Variants in SPAG16 observed in about 807,000 individuals in gnomAD.
The protein encoded by SPAG16 is sperm associated antigen 16.
A neutral mutation model predicts 80.4 loss-of-function variants in SPAG16; 86 were observed. The observed-to-expected ratio is 1.07, with a 90% CI of 0.90 to 1.28. SPAG16 has a LOEUF of 1.28. SPAG16 is among the 50% of genes most tolerant of loss of function. The pLI is 0.00. For missense variants in SPAG16, 870 were observed against 765.3 expected, an observed-to-expected ratio of 1.14 and a Z score of -1.61; for synonymous variants, 294 against 265.9, an observed-to-expected ratio of 1.11 and a Z score of -1.03.
At chr2:214,124,305 C>A (rs1056675743) in intron 14 of SPAG16, among the ~76,000 whole-genome samples, 7 of 150,002 alleles carry the variant, frequency 4.7e-5, no homozygotes, top group African/African-American at 1.5e-4. Flanking sequence ...GATATTTGAC[C>A]ACTCAGACAA....
intron 15 of SPAG16, among the ~76,000 whole-genome samples, chr2:214,216,744 C>G (rs1576517982): frequency 6.6e-6 from 1 of 152,316 alleles, no homozygotes; most frequent in East Asian, 1.9e-4. Flanking sequence ...ATTGAATTCT[C>G]TGTTGATTTC....
At chr2:214,038,390 A>G (rs899937121) in intron 13 of SPAG16, among the ~76,000 whole-genome samples, 1 of 152,064 alleles carries the variant, frequency 6.6e-6, no homozygotes, top group Non-Finnish European at 1.5e-5. Flanking sequence ...CTACTTTGTC[A>G]GAACATATAA....
chr2:214,077,453 A>ATTCTCAGT (rs1180151536), intron 13 of SPAG16, among the ~76,000 whole-genome samples: 1 of 152,232 alleles, frequency 6.6e-6, no homozygotes, highest in Non-Finnish European at 1.5e-5. Context: ...TAAAGGCCTT[A>ATTCTCAGT]TTCTCAGTTT....
intron 10 of SPAG16, among the ~76,000 whole-genome samples, chr2:213,850,695 T>A (rs571056444): frequency 6.6e-6 from 1 of 152,286 alleles, no homozygotes; most frequent in African/African-American, 2.4e-5. Flanking sequence ...TCTGTTTTTT[T>A]TTTTATGATT....
chr2:213,373,591 T>C (rs2066748758), intron 8 of SPAG16, among the ~76,000 whole-genome samples: 1 of 152,216 alleles, frequency 6.6e-6, no homozygotes, highest in Non-Finnish European at 1.5e-5. Flanking sequence ...TTTATTTCTT[T>C]GATGAAGTGG....
At chr2:214,386,825 T>C (rs1700781422) in intron 15 of SPAG16, among the ~76,000 whole-genome samples, 1 of 151,752 alleles carries the variant, frequency 6.6e-6, no homozygotes, top group East Asian at 1.9e-4. Flanking sequence ...GATTGTGCCA[T>C]TGCATTCCAG....
chr2:213,471,996 C>T (rs1213561670), intron 9 of SPAG16, among the ~76,000 whole-genome samples: 1 of 152,190 alleles, frequency 6.6e-6, no homozygotes, highest in African/African-American at 2.4e-5. Flanking sequence ...TTTCCATCTT[C>T]TGGCATGCAA....
rs3076792 is a variant in SPAG16 at position 213,932,949 on chromosome 2, AACACACACACACACACAC to A, written c.1400+2829_1400+2846del. Among the ~76,000 whole-genome samples the A allele has an allele frequency of 7.2e-4, 103 of 144,040 alleles. No individual in the cohort carries two copies. In the East Asian group the frequency reaches 0.016, roughly 23 times the overall value. The allele number at this position is 144,040 out of a possible 152,430, so 94.5% of individuals were successfully genotyped here. A position where few individuals can be genotyped will look rare whatever the true frequency, so the allele number is the denominator to read the frequency against. ...GTATTTCACTTAATGGTTGTTTGAA[AACACACACACACACACAC>A]ACACACACACACACACACACACACC... On this transcript the variant is annotated intron_variant, in intron 12 of 15. Transcript: ENST00000331683.
chr2:213,469,487 A>G (rs888622301), intron 9 of SPAG16, among the ~76,000 whole-genome samples: 1 of 150,692 alleles, frequency 6.6e-6, no homozygotes, highest in African/African-American at 2.4e-5. Context: ...GCAGCTGGTC[A>G]TGTGGTCATA....
At chr2:214,010,347 T>A (rs947301328) in intron 12 of SPAG16, among the ~76,000 whole-genome samples, 1 of 146,312 alleles carries the variant, frequency 6.8e-6, no homozygotes, top group South Asian at 2.2e-4. Context: ...AAGGACATAG[T>A]GTTTCTAAAC....
intron 10 of SPAG16, among the ~76,000 whole-genome samples, chr2:213,499,436 C>A (rs957399040): frequency 1.3e-5 from 2 of 152,004 alleles, no homozygotes; most frequent in Non-Finnish European, 2.9e-5. Flanking sequence ...TATGAATAGT[C>A]CCTGACAGAT....
At chr2:213,806,538 TA>T (rs551061885) in intron 10 of SPAG16, among the ~76,000 whole-genome samples, 3 of 152,066 alleles carry the variant, frequency 2.0e-5, no homozygotes, top group Non-Finnish European at 4.4e-5. Flanking sequence ...TTTTCTTTAA[TA>T]AAAAAACTCT....
chr2:213,573,197 CT>C (rs1165473632), intron 10 of SPAG16, among the ~76,000 whole-genome samples: 1 of 151,884 alleles, frequency 6.6e-6, no homozygotes, highest in Admixed American at 6.6e-5. Flanking sequence ...TCACCGTCTT[CT>C]GCGTCGGTCA....
chr2:213,864,751 A>G (rs1315516434), intron 11 of SPAG16, among the ~76,000 whole-genome samples: 1 of 152,086 alleles, frequency 6.6e-6, no homozygotes, highest in East Asian at 1.9e-4. Flanking sequence ...CAATGATGAC[A>G]TATCCAAATT....
chr2:214,161,700 A>G (rs1313975126), intron 15 of SPAG16, among the ~76,000 whole-genome samples: 2 of 152,004 alleles, frequency 1.3e-5, no homozygotes, highest in Non-Finnish European at 2.9e-5. Flanking sequence ...GGGTAGAGAG[A>G]GCATTAGGAA....
chr2:214,399,948 G>A (rs80188921), intron 15 of SPAG16, among the ~76,000 whole-genome samples: 1 of 152,030 alleles, frequency 6.6e-6, no homozygotes, highest in Non-Finnish European at 1.5e-5. Flanking sequence ...AGCTGCATAG[G>A]TGAAGACCAA....
intron 10 of SPAG16, among the ~76,000 whole-genome samples, chr2:213,769,697 T>A (rs1175942156): frequency 3.3e-5 from 5 of 152,250 alleles, no homozygotes; most frequent in African/African-American, 1.2e-4. Flanking sequence ...TGTCTCTTTC[T>A]GTTTAATTAA....
intron 10 of SPAG16, among the ~76,000 whole-genome samples, chr2:213,652,527 C>A (rs1215266765): frequency 6.6e-6 from 1 of 152,040 alleles, no homozygotes; most frequent in African/African-American, 2.4e-5. Flanking sequence ...TATAAGAAAT[C>A]CAGTTTCTCT....
At chr2:214,139,698 C>A (rs1207891894) in intron 14 of SPAG16, among the ~76,000 whole-genome samples, 1 of 152,052 alleles carries the variant, frequency 6.6e-6, no homozygotes, top group Non-Finnish European at 1.5e-5. Flanking sequence ...TTTCTTCCTG[C>A]TCAAATTCCT....
Sources: allele counts gnomAD v4.1 joint callset (sites outside exome capture counted in the v4.1 genomes callset), GRCh38; gene constraint gnomAD v4.1.1; transcripts MANE v1.5; gene names NCBI Gene and HGNC (gene_info 2026-07-23, HGNC 2026-07-21).